The following ARMCX4 variants were observed in gnomAD, a reference collection of about 807,000 sequenced individuals.
ARMCX4 encodes armadillo repeat-containing X-linked protein 4.
A neutral mutation model predicts 34.7 loss-of-function variants in ARMCX4; 3 were observed. The observed-to-expected ratio is 0.09, with a 90% CI of 0.04 to 0.22. The LOEUF (loss-of-function observed/expected upper bound fraction) is 0.22, where lower values mean the gene tolerates loss of function less well. Ranked by LOEUF, ARMCX4 falls within the 10% of genes least tolerant of loss-of-function variation. The probability of loss-of-function intolerance (pLI) is 1.00; values close to 1 mark genes in which losing one functional copy is unlikely to be tolerated. For missense variants in ARMCX4, 1,448 were observed against 1,720.8 expected (o/e 0.84, Z 2.81); for synonymous variants, 513 against 632.8 (o/e 0.81, Z 2.84).
rs1289698904 is a variant in ARMCX4, at chrX:101,485,508, C to T, written c.-459C>T. 5 of 672,726 alleles carry T rather than the reference C, an allele frequency of 7.4e-6. No individual in the cohort carries two copies. Among genetic ancestry groups the T allele is most frequent in the Non-Finnish European group, 7.1e-6 (4 of 564,748 alleles). 55.4% of individuals were successfully genotyped at this position (672,726 alleles called of 1,213,427 possible). ...TGCCCTGCGCTCGGCGGGCTGGCAT[C>T]GGGCCCGGGGAAAGCGGAGCAGGTA... is the stretch of plus-strand genomic sequence containing the variant. On this transcript the variant is annotated 5_prime_UTR_variant, in exon 1 of 6. Transcript: ENST00000423738.
At chrX:101,503,157 T>C (rs1934348809) in intron 7 of ARMCX4, among the ~76,000 whole-genome samples, 1 of 110,453 alleles carries the variant, frequency 9.1e-6, no homozygotes, top group Admixed American at 9.6e-5. Flanking sequence ...GGTGTATATG[T>C]GCCACATTTT....
In ARMCX4 at chrX:101,491,071, G is replaced by A. The variant is rs781880213; in HGVS notation, c.2482G>A (p.Ala828Thr). 3.5e-6 allele frequency: 4 copies of A among 1,153,801 alleles called. No homozygotes were observed. In the African/African-American group the frequency reaches 7.2e-5, roughly 21 times the overall value. Residue 828 changes from alanine (A) to threonine (T), a missense_variant, in exon 6 of 6, where the codon GCC becomes ACC. By Grantham distance (58) the Ala-to-Thr change is moderately conservative (BLOSUM62 0). Around this residue, in one of 2 missense-constraint regions of ARMCX4, gnomAD observed 1,343 missense variants for 1,540.7 expected, o/e 0.87. Coordinates refer to ENST00000423738, the MANE Select transcript of ARMCX4 (RefSeq NM_001256155.3). ...AGAGMDTRGS[A>T]QPQAVANSQG... ...GGCTGGGATGGATACAAGGGGCTCT[G>A]CCCAGCCCCAGGCTGTGGCCAATTC...
intron 11 of ARMCX4, among the ~76,000 whole-genome samples, chrX:101,526,111 C>T (rs1255511203): frequency 1.8e-5 from 2 of 111,937 alleles, no homozygotes; most frequent in African/African-American, 3.3e-5. Flanking sequence ...CAAAGGGAAG[C>T]TCATCAGACT....
At chrX:101,478,981 C>CAT (rs1444375702) in intron 4 of ARMCX4, among the ~76,000 whole-genome samples, 5 of 110,377 alleles carry the variant, frequency 4.5e-5, no homozygotes, top group African/African-American at 1.6e-4. Flanking sequence ...TACACACACA[C>CAT]ATATATATAT....
downstream of ARMCX4, chrX:101,498,186 C>A: frequency 3.0e-6 from 1 of 330,379 alleles, no homozygotes; most frequent in African/African-American, 2.6e-5. Flanking sequence ...ACGCTTCATG[C>A]TGAACTCTAT....
chrX:101,500,406 A>C (rs1051827123), downstream of ARMCX4, among the ~76,000 whole-genome samples: 2 of 112,019 alleles, frequency 1.8e-5, no homozygotes, highest in Non-Finnish European at 3.8e-5. Context: ...TTCCCTGGCC[A>C]AGATAGTAAA....
intron 4 of ARMCX4, among the ~76,000 whole-genome samples, chrX:101,473,702 A>T (rs1933024567): frequency 9.7e-6 from 1 of 102,607 alleles, no homozygotes; most frequent in African/African-American, 3.5e-5. Flanking sequence ...CTGCTCCTGA[A>T]TGACTACTGG....
chrX:101,452,256 C>T (rs1259430094), downstream of ARMCX4, among the ~76,000 whole-genome samples: 2 of 111,422 alleles, frequency 1.8e-5, no homozygotes, highest in Non-Finnish European at 3.8e-5. Context: ...AGAGCAAGAA[C>T]AATGAGGAAG....
intron 2 of ARMCX4, among the ~76,000 whole-genome samples, chrX:101,423,622 A>G (rs1929420785): frequency 9.2e-6 from 1 of 108,718 alleles, no homozygotes; most frequent in South Asian, 4.1e-4. Context: ...CGTCTCAAAA[A>G]AATAAAAATA....
Position 101,489,225 on chromosome X carries a change from C to T in ARMCX4, c.636C>T (p.Thr212=), listed in dbSNP as rs1711771418. 1.7e-6 allele frequency: 2 copies of T among 1,155,138 alleles called. No individual in the cohort carries two copies. The highest frequency in any genetic ancestry group is 2.6e-5 in the Admixed American group (1 of 38,763). ...INRVMVTQSE[T]LAVPREVAKM... is the part of the protein sequence containing the mutation. ...GAGTAATGGTTACACAGAGTGAGACCTTGGCAGTACCCAGGGAAGTGGCCA... is the reference window on the plus strand; with the variant it reads ...GAGTAATGGTTACACAGAGTGAGACTTTGGCAGTACCCAGGGAAGTGGCCA... Residue 212 remains threonine, a synonymous_variant, in exon 6 of 6, where the codon ACC becomes ACT. Coordinates refer to ENST00000423738, the MANE Select transcript of ARMCX4 (RefSeq NM_001256155.3).
Position 101,494,277 on chromosome X carries a change from G to A in ARMCX4, c.5688G>A (p.Glu1896=), listed in dbSNP as rs1934122499. ...GTAGAGAGTCCAGCCCTGATATTGAGGAGATCAGTTTAAGGTCTTTGTTTT... is the reference window on the plus strand; with the variant it reads ...GTAGAGAGTCCAGCCCTGATATTGAAGAGATCAGTTTAAGGTCTTTGTTTT... ...ELSRESSPDI[E]EISLRSLFWA... Residue 1896 remains glutamate (E), a synonymous_variant, in exon 6 of 6, where the codon GAG becomes GAA. Coordinates refer to ENST00000423738, the MANE Select transcript of ARMCX4 (RefSeq NM_001256155.3). 5 of 1,155,112 alleles carry A rather than the reference G, an allele frequency of 4.3e-6. No homozygotes were observed. The East Asian group carries it at 1.6e-4, about 38-fold the overall frequency.
intron 4 of ARMCX4, among the ~76,000 whole-genome samples, chrX:101,473,551 C>G (rs1401328276): frequency 1.8e-5 from 2 of 108,680 alleles, no homozygotes; most frequent in African/African-American, 6.7e-5. Flanking sequence ...TGACCACATA[C>G]TTGGAAGTAA....
In ARMCX4 at chrX:101,490,242, G is replaced by A. The variant is rs1556008321; in HGVS notation, c.1653G>A (p.Gln551=). 1 of 1,154,840 alleles carries A rather than the reference G, an allele frequency of 8.7e-7. No individual in the cohort carries two copies. The highest frequency in any genetic ancestry group is 1.1e-6 in the Non-Finnish European group (1 of 872,538). The change falls in exon 6 of 6, where the codon CAG becomes CAA. Residue 551 remains glutamine (Q), a synonymous_variant. Coordinates refer to ENST00000423738, the MANE Select transcript of ARMCX4 (RefSeq NM_001256155.3). ...GMDMKTCTQP[Q]AGVKTPAEAL... ...ACATGAAAACCTGTACACAACCTCAGGCTGGGGTCAAGACCCCAGCTGAGG... is the reference window on the plus strand; with the variant it reads ...ACATGAAAACCTGTACACAACCTCAAGCTGGGGTCAAGACCCCAGCTGAGG...
chrX:101,421,381 T>C (rs186972650), intron 2 of ARMCX4, among the ~76,000 whole-genome samples: 34 of 110,523 alleles, frequency 3.1e-4, no homozygotes, highest in African/African-American at 9.6e-4. Flanking sequence ...TGGAGGGGAT[T>C]GGTATATTTT....
At chrX:101,436,252 G>A (rs1428725922) in intron 2 of ARMCX4, among the ~76,000 whole-genome samples, 3 of 109,882 alleles carry the variant, frequency 2.7e-5, no homozygotes, top group Non-Finnish European at 3.8e-5. Flanking sequence ...CCATTTTCAG[G>A]ATATTGATTC....
At chrX:101,435,522 G>C (rs1179768590) in intron 2 of ARMCX4, among the ~76,000 whole-genome samples, 1 of 111,373 alleles carries the variant, frequency 9.0e-6, no homozygotes, top group East Asian at 2.8e-4. Flanking sequence ...TGAGTTCATT[G>C]TAGATTCTGG....
At chrX:101,454,265 A>G (rs1932142935) in intron 4 of ARMCX4, among the ~76,000 whole-genome samples, 1 of 107,478 alleles carries the variant, frequency 9.3e-6, no homozygotes, top group Non-Finnish European at 1.9e-5. Context: ...CATCATGGCC[A>G]ATTTCTTTTT....
At chrX:101,520,880 A>AT (rs1423376243) in intron 11 of ARMCX4, among the ~76,000 whole-genome samples, 1 of 75,071 alleles carries the variant, frequency 1.3e-5, no homozygotes, top group Non-Finnish European at 2.6e-5. Context: ...TGGTCCTGGA[A>AT]TTTTCTTTAT....
At chrX:101,432,975 T>C (rs1390272540) in intron 2 of ARMCX4, among the ~76,000 whole-genome samples, 1 of 107,228 alleles carries the variant, frequency 9.3e-6, no homozygotes, top group African/African-American at 3.4e-5. Flanking sequence ...TGTATATGTG[T>C]ATATATACAC....
Sources: gnomAD v4.1 joint callset for allele counts (sites outside exome capture counted in the v4.1 genomes callset) on GRCh38, gnomAD v4.1.1 for gene constraint, gnomAD v4.1.1 regional missense constraint, MANE v1.5 for transcripts, NCBI Gene and HGNC (gene_info 2026-07-23, HGNC 2026-07-21) for gene names.